The following C3orf18 variants were observed in gnomAD, a reference collection of about 807,000 sequenced individuals.
C3orf18 encodes chromosome 3 open reading frame 18.
A neutral mutation model predicts 14.1 loss-of-function variants in C3orf18; 12 were observed. The observed-to-expected ratio is 0.85, with a 90% CI of 0.55 to 1.38. The LOEUF (loss-of-function observed/expected upper bound fraction) is 1.38. C3orf18 is among the 40% of genes most tolerant of loss of function. The pLI is 0.00. For missense variants in C3orf18, 196 were observed against 213.9 expected (o/e 0.92, Z 0.52); for synonymous variants, 82 against 87.9 (o/e 0.93, Z 0.38).
rs777820942 is a variant in C3orf18, at chr3:50,561,705, T to G, written c.260+17A>C. 1 of 1,613,052 alleles carries G rather than the reference T, an allele frequency of 6.2e-7. No homozygotes were observed. The highest frequency in any genetic ancestry group is 1.7e-5 in the Admixed American group (1 of 60,006). On this transcript the variant is annotated intron_variant, in intron 4 of 5. Transcript: ENST00000357203. The stretch of plus-strand genomic sequence containing the variant: ...CCTCAAGTTTTGGGTGGGATTTGGG[T>G]TTGGGTGGGGAATTACCTCTTCTTC...
chr3:50,568,725 C>CA (rs66828816), upstream of C3orf18, among the ~76,000 whole-genome samples: 234 of 84,004 alleles, frequency 2.8e-3, 1 homozygote, highest in African/African-American at 9.4e-3. Flanking sequence ...AACTCCGTCT[C>CA]AAAAAAAAAA....
intron 3 of C3orf18, among the ~76,000 whole-genome samples, chr3:50,564,031 G>A (rs1484262803): frequency 1.3e-5 from 2 of 152,262 alleles, no homozygotes; most frequent in African/African-American, 4.8e-5. Flanking sequence ...CCCTGGGCCT[G>A]CTTGCTGGCT....
chr3:50,569,714 T>C (rs1700684578), upstream of C3orf18: 1 of 152,374 alleles, frequency 6.6e-6, no homozygotes, highest in South Asian at 2.1e-4. Flanking sequence ...AACAATGCGG[T>C]GCGTAGCTGT....
chr3:50,568,725 C>CAAAAAAAAAAAAAAAAAAAAA (rs66828816), upstream of C3orf18, among the ~76,000 whole-genome samples: 1 of 84,040 alleles, frequency 1.2e-5, no homozygotes, highest in African/African-American at 4.5e-5. Flanking sequence ...AACTCCGTCT[C>CAAAAAAAAAAAAAAAAAAAAA]AAAAAAAAAA....
upstream of C3orf18, chr3:50,569,901 C>G (rs1307975381): frequency 6.6e-6 from 1 of 152,082 alleles, no homozygotes; most frequent in East Asian, 1.9e-4. Flanking sequence ...GTGGCATGAC[C>G]GCGGCTCGCT....
chr3:50,563,376 CCT>C lies in C3orf18; in HGVS notation c.235-1631_235-1630del, dbSNP rs561918765. ...CCTTGCCCCAAGCCCTCCTCCCTCC[CCT>C]GAGACCCTGGGATTCAGAAGGATCT... On this transcript the variant is annotated intron_variant, in intron 3 of 5. Coordinates refer to ENST00000357203, the MANE Select transcript of C3orf18 (RefSeq NM_016210.5). Among the ~76,000 whole-genome samples, 24 of 152,296 alleles carry C rather than the reference CCT, an allele frequency of 1.6e-4. No individual in the cohort carries two copies. The South Asian group carries it at 2.1e-3, about 13-fold the overall frequency.
upstream of C3orf18, chr3:50,571,221 C>T: frequency 6.2e-7 from 1 of 1,613,906 alleles, no homozygotes; most frequent in Non-Finnish European, 8.5e-7. Context: ...CTGGGTTATC[C>T]AGTGCCATAG....
chr3:50,569,387 C>T (rs1435971292), upstream of C3orf18: 2 of 152,292 alleles, frequency 1.3e-5, no homozygotes, highest in African/African-American at 4.8e-5. Context: ...CAGGGGTCTC[C>T]TGGGAGGAAC....
chr3:50,561,835 G>T, intron 3 of C3orf18, 88 bp from the exon 4 acceptor site: 1 of 1,386,758 alleles, frequency 7.2e-7, no homozygotes, highest in Non-Finnish European at 1.0e-6. Context: ...TGCTGAGGCT[G>T]ATGAACAAGA....
rs1425167361 is a variant in C3orf18 at position 50,565,611 on chromosome 3, G to C, written c.89C>G (p.Pro30Arg). 1 of 1,613,920 alleles carries C rather than the reference G, an allele frequency of 6.2e-7. No individual in the cohort carries two copies. Among genetic ancestry groups the C allele is most frequent in the Non-Finnish European group, 8.5e-7 (1 of 1,180,010 alleles). The stretch of plus-strand genomic sequence containing the variant: ...GCTGAGGGTAGTGGTCTCGGAGGCT[G>C]GCCCATCTGTGGCAGGTTCCAGGTC... ...ESDLEPATDG[P>R]ASETTTLSPE... Residue 30 changes from proline to arginine, a missense_variant, in exon 3 of 6, where the codon CCA becomes CGA. Transcript: ENST00000357203. The surrounding 1 kb of genome is among the most constrained non-coding windows in gnomAD (Gnocchi z 4.4).
Position 50,559,205 on chromosome 3 carries a change from T to A in C3orf18, c.*452A>T, listed in dbSNP as rs1699823959. The A allele has an allele frequency of 1.6e-6, 2 of 1,289,716 alleles. No homozygotes were observed. The highest frequency in any genetic ancestry group is 2.0e-6 in the Non-Finnish European group (2 of 989,142). The allele number at this position is 1,289,716 out of a possible 1,614,324, so 79.9% of individuals were successfully genotyped here. A position where few individuals can be genotyped will look rare whatever the true frequency, so the allele number is the denominator to read the frequency against. On this transcript the variant is annotated 3_prime_UTR_variant, in exon 6 of 6. Coordinates refer to ENST00000357203, the MANE Select transcript of C3orf18 (RefSeq NM_016210.5). ...CCCTACCCTGTCCCTATAACTTGGG[T>A]GGTTTCCTCTCCCCACCCCAGAGGA...
intron 1 of C3orf18, among the ~76,000 whole-genome samples, chr3:50,566,656 G>A (rs369630400): frequency 3.3e-5 from 5 of 152,264 alleles, no homozygotes; most frequent in African/African-American, 1.2e-4. Flanking sequence ...GAAGGAGAGA[G>A]AGGCTCTGGT....
In C3orf18 at chr3:50,558,502, A is replaced by G. The variant is rs1699785016; in HGVS notation, c.*1155T>C. On this transcript the variant is annotated 3_prime_UTR_variant, in exon 6 of 6. Coordinates refer to ENST00000357203, the MANE Select transcript of C3orf18 (RefSeq NM_016210.5). ...AAACACTGAACGGCTCTTCCCATAG[A>G]TGGGATGGAGGTGGGGAATTCAAAC... 4 of 371,290 alleles carry G rather than the reference A, an allele frequency of 1.1e-5. No individual in the cohort carries two copies. The Admixed American group carries it at 1.5e-4, about 14-fold the overall frequency. The allele number at this position is 371,290 out of a possible 1,614,324, so 23.0% of individuals were successfully genotyped here.
upstream of C3orf18, among the ~76,000 whole-genome samples, chr3:50,573,194 A>T (rs990405778): frequency 6.6e-6 from 1 of 152,000 alleles, no homozygotes; most frequent in Admixed American, 6.6e-5. Context: ...GCCTTGCTGA[A>T]GTCACAGGGC....
At chr3:50,563,690 C>A (rs920857827) in intron 3 of C3orf18, among the ~76,000 whole-genome samples, 1 of 152,168 alleles carries the variant, frequency 6.6e-6, no homozygotes, top group African/African-American at 2.4e-5. Context: ...TCAGTGAGCA[C>A]CTCTGGGCCT....
Position 50,558,935 on chromosome 3 carries a change from C to A in C3orf18, c.*722G>T, listed in dbSNP as rs1413696541. The A allele has an allele frequency of 7.8e-7, 1 of 1,287,576 alleles. No homozygotes were observed. The highest frequency in any genetic ancestry group is 1.0e-6 in the Non-Finnish European group (1 of 987,220). The allele number at this position is 1,287,576 out of a possible 1,614,324, so 79.8% of individuals were successfully genotyped here. On this transcript the variant is annotated 3_prime_UTR_variant, in exon 6 of 6. Transcript: ENST00000357203. ...GGCACACTCATGCACATGCATGAGG[C>A]CTCTCGGCAGGTCTGGGGGGGCTGC...
At chr3:50,559,905 C>T (rs980243257) in intron 5 of C3orf18, among the ~76,000 whole-genome samples, 168 bp from the exon 6 acceptor site, 4 of 152,240 alleles carry the variant, frequency 2.6e-5, no homozygotes, top group Non-Finnish European at 5.9e-5. Context: ...TGACTTGGCT[C>T]AGATGACTCC....
At chr3:50,572,072 C>T (rs200842001), upstream of C3orf18, 817 of 1,611,910 alleles carry the variant, frequency 5.1e-4, 1 homozygote, top group Non-Finnish European at 6.2e-4. Flanking sequence ...TCCTGTTGGT[C>T]CTAGCTCTGT....
chr3:50,561,760 G>C lies in C3orf18; in HGVS notation c.235-13C>G, dbSNP rs185694874. On this transcript the variant is annotated splice_polypyrimidine_tract_variant and intron_variant, in intron 3 of 5. Coordinates refer to ENST00000357203, the MANE Select transcript of C3orf18 (RefSeq NM_016210.5). ...TGATGTACAAAACCTGCAAGAGAAG[G>C]AGCAGCATCAAATGGCAAGGAGAGG... is the stretch of plus-strand genomic sequence containing the variant. 1 of 1,613,806 alleles carries C rather than the reference G, an allele frequency of 6.2e-7. No homozygotes were observed. The highest frequency in any genetic ancestry group is 1.1e-5 in the South Asian group (1 of 91,062).
Sources: gnomAD v4.1 joint callset for allele counts (sites outside exome capture counted in the v4.1 genomes callset) on GRCh38, gnomAD v4.1.1 for gene constraint, Gnocchi (gnomAD v3.1) non-coding constraint, MANE v1.5 for transcripts, NCBI Gene and HGNC (gene_info 2026-07-23, HGNC 2026-07-21) for gene names.